Variants in OXNAD1 observed in about 807,000 individuals in gnomAD.
OXNAD1 encodes oxidoreductase NAD-binding domain-containing protein 1.
A neutral mutation model predicts 32.9 loss-of-function variants in OXNAD1; 34 were observed. That is an observed-to-expected ratio of 1.03 (90% CI 0.79 to 1.38). The LOEUF is 1.38. OXNAD1 is among the 40% of genes most tolerant of loss of function. The probability of loss-of-function intolerance (pLI) is 0.00; values close to 1 mark genes in which losing one functional copy is unlikely to be tolerated. For missense variants in OXNAD1, 407 were observed against 379.4 expected (o/e 1.07, Z -0.60); for synonymous variants, 134 against 135.2 (o/e 0.99, Z 0.06).
At chr3:16,272,090 CT>C (rs763494963) in intron 4 of OXNAD1, 55,524 of 355,446 alleles carry the variant, frequency 0.16, no homozygotes, top group South Asian at 0.22. Context: ...TGTGTGGGGT[CT>C]TTTTTTTTTT....
intron 4 of OXNAD1, among the ~76,000 whole-genome samples, chr3:16,283,504 CTGAA>C (rs1201952437): frequency 1.3e-5 from 2 of 152,250 alleles, no homozygotes; most frequent in African/African-American, 4.8e-5. Flanking sequence ...TTCATATCAA[CTGAA>C]TGAATGAATG....
chr3:16,311,984 GGT>G (rs2068011303), intron 9 of OXNAD1, among the ~76,000 whole-genome samples: 1 of 152,110 alleles, frequency 6.6e-6, no homozygotes, highest in South Asian at 2.1e-4. Flanking sequence ...TAAATGCACA[GGT>G]CTCTCCCGTA....
chr3:16,274,080 T>C (rs1206905759), intron 4 of OXNAD1, among the ~76,000 whole-genome samples: 3 of 151,714 alleles, frequency 2.0e-5, no homozygotes, highest in African/African-American at 7.3e-5. Context: ...AAATAGATGC[T>C]AATGGCACGT....
downstream of OXNAD1, among the ~76,000 whole-genome samples, chr3:16,306,993 A>G (rs2067607430): frequency 1.3e-5 from 2 of 152,162 alleles, no homozygotes; most frequent in African/African-American, 4.8e-5. Context: ...TTAAGGATTA[A>G]TTATCCATTT....
At position 16,265,929 on chromosome 3, in the gene OXNAD1, T is replaced by C; in HGVS notation, c.-159+424T>C. On this transcript the variant is annotated intron_variant, in intron 1 of 8. Transcript: ENST00000285083. This position sits in a 1 kb window ranked among gnomAD's most constrained non-coding sequence, Gnocchi z 4.8. ...CAGGTTTATCAGTGTGAGGCCTATGTATGCCTTGAAGCGAAATGCAGATAA... is the reference window on the plus strand; with the variant it reads ...CAGGTTTATCAGTGTGAGGCCTATGCATGCCTTGAAGCGAAATGCAGATAA... The C allele has an allele frequency of 1.0e-6, 1 of 982,460 alleles. No individual in the cohort carries two copies. Among genetic ancestry groups the C allele is most frequent in the Non-Finnish European group, 1.2e-6 (1 of 827,190 alleles). The allele number at this position is 982,460 out of a possible 1,614,324, so 60.9% of individuals were successfully genotyped here.
At chr3:16,268,483 C>G (rs2064711464) in intron 1 of OXNAD1, among the ~76,000 whole-genome samples, 1 of 151,788 alleles carries the variant, frequency 6.6e-6, no homozygotes, top group African/African-American at 2.4e-5. Context: ...GCGCCCGACA[C>G]CACACCTAGC....
intron 9 of OXNAD1, among the ~76,000 whole-genome samples, chr3:16,319,326 A>C (rs555948): frequency 0.32 from 48,798 of 152,118 alleles, 8,754 homozygotes; most frequent in Non-Finnish European, 0.39. Context: ...AAGAGGCCTT[A>C]AGTGCTAAAA....
At chr3:16,333,982 G>A (rs541493668) in intron 9 of OXNAD1, among the ~76,000 whole-genome samples, 59 of 152,252 alleles carry the variant, frequency 3.9e-4, no homozygotes, top group African/African-American at 1.4e-3. Flanking sequence ...GGGCTAACAC[G>A]GTGAAACCCC....
chr3:16,268,897 G>T (rs2064741671), intron 1 of OXNAD1, among the ~76,000 whole-genome samples: 1 of 152,132 alleles, frequency 6.6e-6, no homozygotes, highest in South Asian at 2.1e-4. Context: ...AGTAGCAGGT[G>T]TTAAAGACAG....
Position 16,297,077 on chromosome 3 carries a change from A to C in OXNAD1, c.432+2080A>C, listed in dbSNP as rs571810491. Among the ~76,000 whole-genome samples, 3 of 152,384 alleles carry C rather than the reference A, an allele frequency of 2.0e-5. No individual in the cohort carries two copies. The East Asian group carries it at 5.8e-4, about 29-fold the overall frequency. ...CTACAGACTAGGAGAAAATATTTAC[A>C]AATCAGATATCTAACAAAGGGCTTG... On this transcript the variant is annotated intron_variant, in intron 6 of 8. Coordinates refer to ENST00000285083, the MANE Select transcript of OXNAD1 (RefSeq NM_138381.5). This position sits in a 1 kb window ranked among gnomAD's most constrained non-coding sequence, Gnocchi z 4.3.
intron 6 of OXNAD1, among the ~76,000 whole-genome samples, chr3:16,295,694 A>T (rs1259821510): frequency 1.3e-5 from 2 of 151,726 alleles, no homozygotes; most frequent in Non-Finnish European, 2.9e-5. Flanking sequence ...TTTTCCTTTC[A>T]CTTCCTCTTC....
chr3:16,344,411 C>G lies in OXNAD1; in HGVS notation c.*31-4765C>G, dbSNP rs147087133. Among the ~76,000 whole-genome samples the G allele has an allele frequency of 6.6e-6, 1 of 151,850 alleles. No homozygotes were observed. The highest frequency in any genetic ancestry group is 2.1e-4 in the South Asian group (1 of 4,810). ...TAGAAACAACATGTAAAAACAGATACATTCAGAAAAGGCGGCTCTGGTTGA... is the reference window on the plus strand; with the variant it reads ...TAGAAACAACATGTAAAAACAGATAGATTCAGAAAAGGCGGCTCTGGTTGA... On this transcript the variant is annotated intron_variant, in intron 9 of 9. Transcript: ENST00000606098. This position sits in a 1 kb window ranked among gnomAD's most constrained non-coding sequence, Gnocchi z 4.4.
chr3:16,295,122 AG>A (rs2066693226), intron 6 of OXNAD1, 125 bp downstream of exon 6: 2 of 1,172,658 alleles, frequency 1.7e-6, no homozygotes, highest in Admixed American at 2.9e-5. Flanking sequence ...GCCCAGAAAG[AG>A]CTTCTAAGAA....
downstream of OXNAD1, among the ~76,000 whole-genome samples, chr3:16,338,791 GA>G (rs1003936726): frequency 5.9e-5 from 9 of 152,192 alleles, no homozygotes; most frequent in East Asian, 5.8e-4. The surrounding 1 kb of genome is among the most constrained non-coding windows in gnomAD (Gnocchi z 5.3). Flanking sequence ...AAAAGGGATT[GA>G]AAAAAGGAGC....
chr3:16,269,739 G>A (rs2064795488), intron 2 of OXNAD1, among the ~76,000 whole-genome samples: 1 of 152,174 alleles, frequency 6.6e-6, no homozygotes, highest in African/African-American at 2.4e-5. Flanking sequence ...TATGGAGTAG[G>A]AATGTAAACA....
Position 16,271,711 on chromosome 3 carries a change from C to G in OXNAD1, c.172C>G (p.Leu58Val). 1 of 1,607,598 alleles carries G rather than the reference C, an allele frequency of 6.2e-7. No individual in the cohort carries two copies. The highest frequency in any genetic ancestry group is 2.2e-5 in the East Asian group (1 of 44,608). The change falls in exon 4 of 9, where the codon CTT becomes GTT. Residue 58 changes from leucine (L) to valine (V), a missense_variant. Physicochemically the swap from Leu to Val is conservative, Grantham distance 32. Coordinates refer to ENST00000285083, the MANE Select transcript of OXNAD1 (RefSeq NM_138381.5). This position sits in a 1 kb window ranked among gnomAD's most constrained non-coding sequence, Gnocchi z 4.6. ...TCACATGGAGAGAACTGCAAGTGTC[C>G]TTCGACGGGAGGTTTGTATCTTTGG... ...TDHMERTASV[L>V]RREIVSAAKV...
At chr3:16,275,605 G>GT (rs1276346345) in intron 4 of OXNAD1, 2 of 161,416 alleles carry the variant, frequency 1.2e-5, no homozygotes, top group Non-Finnish European at 2.8e-5. Context: ...ATCTTCCATA[G>GT]TTTACATCCT....
chr3:16,283,331 C>T (rs1255125590), intron 4 of OXNAD1, among the ~76,000 whole-genome samples: 2 of 152,096 alleles, frequency 1.3e-5, no homozygotes, highest in Non-Finnish European at 2.9e-5. Flanking sequence ...GTGCGTTTAC[C>T]ACTGGAGCAG....
At chr3:16,331,530 T>C (rs1452736977) in intron 9 of OXNAD1, among the ~76,000 whole-genome samples, 1 of 152,228 alleles carries the variant, frequency 6.6e-6, no homozygotes, top group African/African-American at 2.4e-5. Flanking sequence ...GAGTTAATTA[T>C]TACCTCCATT....
Sources: allele counts gnomAD v4.1 joint callset (sites outside exome capture counted in the v4.1 genomes callset), GRCh38; gene constraint gnomAD v4.1.1; non-coding constraint Gnocchi (gnomAD v3.1); transcripts MANE v1.5; gene names NCBI Gene and HGNC (gene_info 2026-07-23, HGNC 2026-07-21).